Variants in GSR observed in about 807,000 individuals in gnomAD.
GSR encodes glutathione reductase, mitochondrial.
GSR carries 48 observed loss-of-function variants against 56.5 expected under a neutral mutation model. The ratio of observed to expected loss-of-function variants is 0.85; its 90% confidence interval spans 0.67 to 1.08. The LOEUF is 1.08. Among genes scored for constraint, GSR ranks in the 50% least tolerant of loss-of-function variants. The pLI is 0.00. For synonymous variants in GSR, 264 were observed against 270.8 expected, an observed-to-expected ratio of 0.97 and a Z score of 0.25; for missense variants, 694 against 703.3, an observed-to-expected ratio of 0.99 and a Z score of 0.15.
chr8:30,685,696 CAGGCGCAGTGGTTCAGGCCTGTAAA>C (rs1803137384), intron 9 of GSR, among the ~76,000 whole-genome samples: 1 of 151,974 alleles, frequency 6.6e-6, no homozygotes, highest in Admixed American at 6.6e-5. Context: ...TACAACTGGC[CAGGCGCAGTGGTTCAGGCCTGTAAA>C]TCCTAGCACT....
chr8:30,681,960 G>C lies in GSR; in HGVS notation c.1255C>G (p.Pro419Ala). ...GTGAGTCCCACTGTCCCAATAGGGGGGTGGCTGAAGACCACAGTTGGGATG... is the reference window on the plus strand; with the variant it reads ...GTGAGTCCCACTGTCCCAATAGGGGCGTGGCTGAAGACCACAGTTGGGATG... Reference protein sequence around the residue: ...NNIPTVVFSHPPIGTVGLTED... With the variant: ...NNIPTVVFSHAPIGTVGLTED... Residue 419 changes from proline to alanine, a missense_variant, in exon 11 of 13, where the codon CCC (proline) becomes GCC (alanine). Physicochemically the swap from Pro to Ala is conservative, Grantham distance 27 (BLOSUM62 -1). Coordinates refer to ENST00000221130, the MANE Select transcript of GSR (RefSeq NM_000637.5). The C allele has an allele frequency of 1.2e-6, 2 of 1,613,206 alleles. No individual in the cohort carries two copies. The highest frequency in any genetic ancestry group is 2.2e-5 in the South Asian group (2 of 91,054).
rs753320953 is a variant in GSR at position 30,692,851 on chromosome 8, T to C, written c.882+118A>G. On this transcript the variant is annotated intron_variant, in intron 8 of 12. Coordinates refer to ENST00000221130, the MANE Select transcript of GSR (RefSeq NM_000637.5). Reference sequence around the variant, plus strand: ...GAAATAATAGGGAGTACCCTAGAGGTGGAATATATGGACCGGGGTAGACAT... The same window carrying C: ...GAAATAATAGGGAGTACCCTAGAGGCGGAATATATGGACCGGGGTAGACAT... 1.0e-4 allele frequency: 76 copies of C among 747,096 alleles called. 1 individual carries two copies. Among genetic ancestry groups the C allele is most frequent in the Admixed American group, 6.0e-4 (33 of 54,928 alleles). 46.3% of individuals were successfully genotyped at this position (747,096 alleles called of 1,614,324 possible).
At chr8:30,709,991 A>G in intron 2 of GSR, 89 bp from the exon 3 acceptor site, 1 of 745,478 alleles carries the variant, frequency 1.3e-6, no homozygotes, top group South Asian at 1.6e-5. Context: ...GTAACTAGGT[A>G]ACAGCAGATA....
At chr8:30,724,544 C>CAT (rs1804660517) in intron 1 of GSR, among the ~76,000 whole-genome samples, 1 of 84,640 alleles carries the variant, frequency 1.2e-5, no homozygotes, top group Non-Finnish European at 2.0e-5. Context: ...AACCCCCCAC[C>CAT]TTTTTTTTTT....
chr8:30,704,409 G>C (rs1246241372), intron 4 of GSR, among the ~76,000 whole-genome samples: 1 of 152,180 alleles, frequency 6.6e-6, no homozygotes, highest in Non-Finnish European at 1.5e-5. Flanking sequence ...GCAAGAGCAA[G>C]AGAGGAATAC....
chr8:30,703,688 A>G (rs180867814), intron 4 of GSR, among the ~76,000 whole-genome samples: 4 of 149,960 alleles, frequency 2.7e-5, no homozygotes, highest in Admixed American at 1.3e-4. Context: ...TTGAGGCTGC[A>G]GTGAGCTGAG....
intron 7 of GSR, among the ~76,000 whole-genome samples, chr8:30,694,763 G>A (rs1803491291): frequency 6.6e-6 from 1 of 151,924 alleles, no homozygotes; most frequent in African/African-American, 2.4e-5. Context: ...ACTGGGTGTG[G>A]TGGCATGTTC....
At chr8:30,699,426 T>C (rs1303559143) in intron 6 of GSR, among the ~76,000 whole-genome samples, 2 of 151,058 alleles carry the variant, frequency 1.3e-5, no homozygotes, top group African/African-American at 2.4e-5. Context: ...CTGACCAACA[T>C]GGAGAAAACC....
intron 1 of GSR, among the ~76,000 whole-genome samples, chr8:30,724,075 C>T (rs528519873): frequency 6.6e-6 from 1 of 152,118 alleles, no homozygotes; most frequent in African/African-American, 2.4e-5. Context: ...CATGGGAGAA[C>T]CAATCTTAAA....
In GSR at chr8:30,690,021, C is replaced by CATATATTTATATAT. The variant is rs1563529753; in HGVS notation, c.883-703_883-702insATATATAAATATAT. Among the ~76,000 whole-genome samples the CATATATTTATATAT allele has an allele frequency of 9.1e-4, 118 of 129,286 alleles. 2 individuals are homozygous for CATATATTTATATAT. The highest frequency in any genetic ancestry group is 8.6e-3 in the Admixed American group (105 of 12,256). The allele number at this position is 129,286 out of a possible 152,430, so 84.8% of individuals were successfully genotyped here. On this transcript the variant is annotated intron_variant, in intron 8 of 12. Coordinates refer to ENST00000221130, the MANE Select transcript of GSR (RefSeq NM_000637.5). ...ATTTATATACATATATTATATAATACGTATATTTATATATGTATATTATAT... is the reference window on the plus strand; with the variant it reads ...ATTTATATACATATATTATATAATACATATATTTATATATGTATATTTATATATGTATATTATAT...
At chr8:30,692,871 A>G in intron 8 of GSR, 98 bp downstream of exon 8, 1 of 783,252 alleles carries the variant, frequency 1.3e-6, no homozygotes, top group Non-Finnish European at 2.3e-6. Flanking sequence ...GGACCGGGGT[A>G]GACATAGTGT....
intron 1 of GSR, among the ~76,000 whole-genome samples, chr8:30,723,306 A>G (rs1376154411): frequency 6.6e-6 from 1 of 152,134 alleles, no homozygotes; most frequent in Admixed American, 6.6e-5. Flanking sequence ...GAGATAAGCA[A>G]TATACTTAAC....
intron 10 of GSR, among the ~76,000 whole-genome samples, chr8:30,682,465 G>A (rs1802993302): frequency 6.6e-6 from 1 of 152,228 alleles, no homozygotes; most frequent in African/African-American, 2.4e-5. Flanking sequence ...CCAACTATGT[G>A]TATAAGGTGT....
chr8:30,696,847 C>T (rs1022982268), intron 6 of GSR, among the ~76,000 whole-genome samples: 2 of 152,038 alleles, frequency 1.3e-5, no homozygotes, highest in African/African-American at 4.8e-5. Context: ...AGACATTCAT[C>T]GCCACACCCA....
chr8:30,727,483 C>A lies in GSR; in HGVS notation c.306+47G>T, dbSNP rs182703715. 8.4e-5 allele frequency: 126 copies of A among 1,500,044 alleles called. No homozygotes were observed. In the East Asian group the frequency reaches 3.1e-3, roughly 37 times the overall value. 92.9% of individuals were successfully genotyped at this position (1,500,044 alleles called of 1,614,324 possible). The stretch of plus-strand genomic sequence containing the variant: ...CGAGCACAGGCTGTCCCCCGAAAGA[C>A]CGAGACAAAGAGGCGCCCCCCGCCC... On this transcript the variant is annotated intron_variant, in intron 1 of 12. Coordinates refer to ENST00000221130, the MANE Select transcript of GSR (RefSeq NM_000637.5).
At chr8:30,684,234 GC>G in intron 9 of GSR, 35 bp from the exon 10 acceptor site, 2 of 1,165,178 alleles carry the variant, frequency 1.7e-6, no homozygotes, top group Non-Finnish European at 2.6e-6. Context: ...TAACCACTTG[GC>G]CCACCTACTA....
chr8:30,722,141 G>C (rs1804562188), intron 1 of GSR, among the ~76,000 whole-genome samples: 1 of 152,204 alleles, frequency 6.6e-6, no homozygotes, highest in Non-Finnish European at 1.5e-5. Context: ...TTTTGAGGCA[G>C]ATGGCAAAGC....
At chr8:30,689,099 A>T in intron 9 of GSR, 62 bp downstream of exon 9, 1 of 1,505,726 alleles carries the variant, frequency 6.6e-7, no homozygotes, top group Non-Finnish European at 9.2e-7. Context: ...TCTGGGGGGA[A>T]AATAAAACCA....
intron 1 of GSR, among the ~76,000 whole-genome samples, chr8:30,722,187 A>G (rs772173006): frequency 6.6e-6 from 1 of 152,216 alleles, no homozygotes; most frequent in African/African-American, 2.4e-5. Context: ...AAAAGGAAGC[A>G]GTCAACAAGG....
Sources: allele counts gnomAD v4.1 joint callset (sites outside exome capture counted in the v4.1 genomes callset), GRCh38; gene constraint gnomAD v4.1.1; transcripts MANE v1.5; gene names NCBI Gene and HGNC (gene_info 2026-07-23, HGNC 2026-07-21).